GRM8: variants seen among roughly 807,000 people sequenced by gnomAD.
The protein encoded by GRM8 is glutamate metabotropic receptor 8.
Under a neutral mutation model 87.2 loss-of-function variants are expected in GRM8, and 47 were observed. That is an observed-to-expected ratio of 0.54 (90% CI 0.43 to 0.69). The LOEUF (loss-of-function observed/expected upper bound fraction) is 0.69, where lower values mean the gene tolerates loss of function less well. GRM8 is among the 30% of genes least tolerant of loss of function. The pLI, the probability that GRM8 is intolerant of heterozygous loss-of-function variation, is 0.00. For synonymous variants in GRM8, 396 were observed against 404.5 expected, an observed-to-expected ratio of 0.98 and a Z score of 0.25; for missense variants, 1,019 against 1,139.2, an observed-to-expected ratio of 0.89 and a Z score of 1.52.
At chr7:127,030,170 C>T (rs1173387476) in intron 3 of GRM8, among the ~76,000 whole-genome samples, 1 of 152,058 alleles carries the variant, frequency 6.6e-6, no homozygotes, top group African/African-American at 2.4e-5. Flanking sequence ...TACTCCTACA[C>T]ATTGGTCCAG....
At chr7:126,518,165 C>T (rs1176223221) in intron 9 of GRM8, among the ~76,000 whole-genome samples, 1 of 151,916 alleles carries the variant, frequency 6.6e-6, no homozygotes, top group East Asian at 1.9e-4. Context: ...ATGAGGAAAA[C>T]GTGGTAGAAG....
chr7:126,899,907 C>T (rs1394310870), intron 6 of GRM8, among the ~76,000 whole-genome samples: 1 of 152,016 alleles, frequency 6.6e-6, no homozygotes, highest in Non-Finnish European at 1.5e-5. Context: ...TTTGGTTACC[C>T]AGGCACACCC....
At chr7:127,169,079 GA>G (rs369660368) in intron 2 of GRM8, among the ~76,000 whole-genome samples, 11,866 of 144,750 alleles carry the variant, frequency 0.082, 711 homozygotes, top group African/African-American at 0.17. Context: ...AATAAGCCAG[GA>G]AAAAAAAAAG....
At chr7:126,859,153 C>T (rs532403365) in intron 6 of GRM8, among the ~76,000 whole-genome samples, 3 of 148,122 alleles carry the variant, frequency 2.0e-5, no homozygotes, top group Non-Finnish European at 3.0e-5. Context: ...AATTTAAAAT[C>T]TCCTTGCTGG....
At chr7:126,705,696 CAT>C (rs3834359) in intron 7 of GRM8, among the ~76,000 whole-genome samples, 27,448 of 152,022 alleles carry the variant, frequency 0.18, 2,796 homozygotes, top group Non-Finnish European at 0.23. Context: ...TATTTGAACT[CAT>C]AGTCATTAAG....
At chr7:127,110,100 G>T (rs1404996292) in intron 2 of GRM8, among the ~76,000 whole-genome samples, 1 of 152,156 alleles carries the variant, frequency 6.6e-6, no homozygotes, top group Non-Finnish European at 1.5e-5. Context: ...TAAAGCTTTT[G>T]CCAGATTCCA....
intron 3 of GRM8, among the ~76,000 whole-genome samples, chr7:126,999,937 C>A (rs1197750903): frequency 2.0e-5 from 3 of 151,772 alleles, no homozygotes; most frequent in African/African-American, 7.2e-5. Context: ...GCTTCACTCC[C>A]ATGTTTGTTG....
At chr7:126,725,151 A>C (rs1299251067) in intron 7 of GRM8, among the ~76,000 whole-genome samples, 1 of 152,246 alleles carries the variant, frequency 6.6e-6, no homozygotes, top group Non-Finnish European at 1.5e-5. Context: ...ATTTTCAGAC[A>C]AAATTGGCTT....
rs958866234 is a variant in GRM8 at position 126,672,279 on chromosome 7, C to T, written c.1358-62781G>A. ...GGTGGCATCTGCCGAGGTCACTGGA[C>T]CCTGGGGATGCAAGGACAGAAGAGG... On this transcript the variant is annotated intron_variant, in intron 7 of 10. Coordinates refer to ENST00000339582, the MANE Select transcript of GRM8 (RefSeq NM_000845.3). Among the ~76,000 whole-genome samples the T allele has an allele frequency of 3.9e-5, 6 of 152,138 alleles. No individual in the cohort carries two copies. The East Asian group carries it at 7.7e-4, about 20-fold the overall frequency.
intron 9 of GRM8, among the ~76,000 whole-genome samples, chr7:126,484,577 ATTACT>A (rs1318943608): frequency 3.3e-5 from 5 of 152,074 alleles, no homozygotes; most frequent in Admixed American, 2.0e-4. Context: ...TACTACTTAA[ATTACT>A]TTACTTACTA....
chr7:127,227,677 ACTTCCT>A (rs1042467846), intron 2 of GRM8, among the ~76,000 whole-genome samples: 11 of 152,156 alleles, frequency 7.2e-5, no homozygotes, highest in African/African-American at 2.7e-4. Context: ...TCCATGGAAA[ACTTCCT>A]GATACATAAA....
At chr7:127,212,313 G>A (rs1796257181) in intron 2 of GRM8, among the ~76,000 whole-genome samples, 1 of 152,012 alleles carries the variant, frequency 6.6e-6, no homozygotes, top group South Asian at 2.1e-4. Context: ...AATTTCGCAG[G>A]AAGTCTGAGG....
At chr7:127,161,450 T>C (rs1587165586) in intron 2 of GRM8, among the ~76,000 whole-genome samples, 1 of 152,174 alleles carries the variant, frequency 6.6e-6, no homozygotes. Flanking sequence ...TCTTCCATCA[T>C]CCAATCACCA....
intron 2 of GRM8, among the ~76,000 whole-genome samples, chr7:127,128,230 C>T (rs528834543): frequency 3.0e-4 from 46 of 152,200 alleles, no homozygotes; most frequent in African/African-American, 1.1e-3. Flanking sequence ...ATCAGAATTA[C>T]CTGGGTGGCT....
chr7:126,974,249 G>T (rs1810722279), intron 3 of GRM8, among the ~76,000 whole-genome samples: 1 of 152,020 alleles, frequency 6.6e-6, no homozygotes, highest in Non-Finnish European at 1.5e-5. Flanking sequence ...AACACTTCTG[G>T]CCTCAAGTAT....
intron 7 of GRM8, among the ~76,000 whole-genome samples, chr7:126,677,258 A>G (rs113227725): frequency 0.013 from 2,003 of 152,216 alleles, 36 homozygotes; most frequent in African/African-American, 0.045. Context: ...ATTGGAATAT[A>G]AACTAGTACA....
chr7:126,799,208 G>A (rs994357651), intron 6 of GRM8, among the ~76,000 whole-genome samples: 1 of 152,102 alleles, frequency 6.6e-6, no homozygotes, highest in African/African-American at 2.4e-5. Flanking sequence ...TCTTGAATCA[G>A]ATTCTGCATT....
At chr7:126,540,674 G>A (rs939760528) in intron 8 of GRM8, among the ~76,000 whole-genome samples, 13 of 152,056 alleles carry the variant, frequency 8.5e-5, no homozygotes, top group African/African-American at 2.2e-4. Flanking sequence ...AATGAAAGCA[G>A]CTAATCACAA....
chr7:126,900,198 G>A (rs1801933717), intron 6 of GRM8, among the ~76,000 whole-genome samples: 2 of 152,114 alleles, frequency 1.3e-5, no homozygotes, highest in Non-Finnish European at 2.9e-5. Flanking sequence ...CAGACCTTAT[G>A]CTGCCACCTG....
Sources: allele counts gnomAD v4.1 joint callset (sites outside exome capture counted in the v4.1 genomes callset), GRCh38; gene constraint gnomAD v4.1.1; transcripts MANE v1.5; gene names NCBI Gene and HGNC (gene_info 2026-07-23, HGNC 2026-07-21).